KCNAB1: variants seen among roughly 807,000 people sequenced by gnomAD.
KCNAB1 encodes potassium voltage-gated channel subfamily A regulatory beta subunit 1, also known as voltage-gated potassium channel subunit beta-1.
Under a neutral mutation model 64.6 loss-of-function variants are expected in KCNAB1, and 35 were observed. The ratio of observed to expected loss-of-function variants is 0.54; its 90% CI spans 0.41 to 0.72. KCNAB1 has a LOEUF of 0.72. Ranked by LOEUF, KCNAB1 falls within the 30% of genes least tolerant of loss-of-function variation. The pLI is 0.00. For synonymous variants in KCNAB1, 177 were observed against 183.8 expected, an observed-to-expected ratio of 0.96 and a Z score of 0.30; for missense variants, 401 against 512.9, an observed-to-expected ratio of 0.78 and a Z score of 2.11.
intron 1 of KCNAB1, among the ~76,000 whole-genome samples, chr3:156,307,679 A>G (rs184271842): frequency 2.0e-4 from 30 of 152,328 alleles, no homozygotes; most frequent in Admixed American, 2.0e-3. Flanking sequence ...GAGGCTGTCA[A>G]CTGAGCACAT....
chr3:156,416,995 A>C (rs1715121726), intron 1 of KCNAB1, among the ~76,000 whole-genome samples: 1 of 152,262 alleles, frequency 6.6e-6, no homozygotes, highest in Non-Finnish European at 1.5e-5. Flanking sequence ...GTCTGTCCTC[A>C]AAATGCCTGG....
chr3:156,201,323 T>A (rs1225168285), intron 1 of KCNAB1, among the ~76,000 whole-genome samples: 2 of 152,178 alleles, frequency 1.3e-5, no homozygotes, highest in Non-Finnish European at 2.9e-5. Flanking sequence ...TAGAACAGCT[T>A]CAGATTAATA....
intron 1 of KCNAB1, chr3:156,175,869 C>A: frequency 1.4e-6 from 1 of 724,348 alleles, no homozygotes; most frequent in Non-Finnish European, 2.6e-6. Flanking sequence ...CATATCCCAA[C>A]AGTCTCTTGT....
intron 1 of KCNAB1, among the ~76,000 whole-genome samples, chr3:156,324,543 T>G (rs181480540): frequency 1.1e-4 from 16 of 152,166 alleles, no homozygotes; most frequent in Non-Finnish European, 1.5e-5. Context: ...GAGCACCTAC[T>G]TTGTGCCAAG....
At chr3:156,247,214 C>T (rs1407661637) in intron 1 of KCNAB1, among the ~76,000 whole-genome samples, 1 of 152,126 alleles carries the variant, frequency 6.6e-6, no homozygotes, top group East Asian at 1.9e-4. Context: ...AGAAAGCTAG[C>T]CTGAGCTCAT....
chr3:156,247,187 G>C (rs1415186981), intron 1 of KCNAB1, among the ~76,000 whole-genome samples: 1 of 152,190 alleles, frequency 6.6e-6, no homozygotes, highest in Non-Finnish European at 1.5e-5. Context: ...TGTCTTCCTC[G>C]TGGTTGCTTA....
intron 1 of KCNAB1, among the ~76,000 whole-genome samples, chr3:156,342,983 T>C (rs376594404): frequency 1.3e-4 from 20 of 152,306 alleles, no homozygotes; most frequent in South Asian, 1.2e-3. Flanking sequence ...TACATACATG[T>C]TAAGGAAGAA....
In KCNAB1 at chr3:156,538,196, G is replaced by GCTAT. The variant is rs528019283; in HGVS notation, c.*1452_*1455dup. The GCTAT allele has an allele frequency of 1.6e-4, 25 of 151,628 alleles. No individual in the cohort carries two copies. Among genetic ancestry groups the GCTAT allele is most frequent in the East Asian group, 5.8e-4 (3 of 5,178 alleles). 9.4% of individuals were successfully genotyped at this position (151,628 alleles called of 1,614,324 possible). ...GGGAGTGGCCCTTTAACTCTATTTG[G>GCTAT]CTATCTGAGGATGTACAAAATTCTC... On this transcript the variant is annotated 3_prime_UTR_variant, in exon 14 of 14. Transcript: ENST00000490337.
At chr3:156,369,322 A>G (rs1457425225) in intron 1 of KCNAB1, among the ~76,000 whole-genome samples, 1 of 152,236 alleles carries the variant, frequency 6.6e-6, no homozygotes, top group East Asian at 1.9e-4. Flanking sequence ...CGAATATACC[A>G]CAGTTTATCC....
At chr3:156,435,807 T>C (rs1434519985) in intron 2 of KCNAB1, among the ~76,000 whole-genome samples, 1 of 152,122 alleles carries the variant, frequency 6.6e-6, no homozygotes. Context: ...TCACCCAGGT[T>C]CTGTTGTGTG....
rs550992999 is a variant in KCNAB1, at chr3:156,395,455, G to A, written c.276-26161G>A. 5.6e-4 allele frequency among the ~76,000 whole-genome samples: 80 copies of A among 143,952 alleles called. 1 individual carries two copies. Among genetic ancestry groups the A allele is most frequent in the African/African-American group, 1.7e-3 (66 of 39,270 alleles). The allele number at this position is 143,952 out of a possible 152,430, so 94.4% of individuals were successfully genotyped here. On this transcript the variant is annotated intron_variant, in intron 1 of 13. Transcript: ENST00000490337. Reference sequence around the variant, plus strand: ...AGCTACTTGGGAGGCTGAGGCAGGAGAATGGCGTGAACCAGGGAGGCGGAG... The same window carrying A: ...AGCTACTTGGGAGGCTGAGGCAGGAAAATGGCGTGAACCAGGGAGGCGGAG...
intron 1 of KCNAB1, among the ~76,000 whole-genome samples, chr3:156,238,495 A>G (rs1302422860): frequency 2.0e-5 from 3 of 151,972 alleles, no homozygotes; most frequent in Non-Finnish European, 2.9e-5. Flanking sequence ...TTTGGACCCT[A>G]ACAAATGGCA....
chr3:156,233,256 CAAG>C (rs746773295), intron 1 of KCNAB1, among the ~76,000 whole-genome samples: 24 of 151,832 alleles, frequency 1.6e-4, no homozygotes, highest in Non-Finnish European at 3.2e-4. Context: ...TGGTAAGTGC[CAAG>C]AAGAAGAAAA....
chr3:156,180,700 G>A (rs933032377), intron 1 of KCNAB1, among the ~76,000 whole-genome samples: 1 of 152,118 alleles, frequency 6.6e-6, no homozygotes, highest in Non-Finnish European at 1.5e-5. Context: ...ATAGAGATGA[G>A]TAAAACATCA....
At chr3:156,344,774 A>G (rs963699447) in intron 1 of KCNAB1, among the ~76,000 whole-genome samples, 91 of 152,330 alleles carry the variant, frequency 6.0e-4, no homozygotes, top group Admixed American at 2.2e-3. Flanking sequence ...AGAATAGCAT[A>G]CAACTAAATG....
chr3:156,194,282 G>T (rs1713747910), intron 1 of KCNAB1, among the ~76,000 whole-genome samples: 1 of 151,686 alleles, frequency 6.6e-6, no homozygotes, highest in Admixed American at 6.6e-5. Context: ...TGATGATGAT[G>T]AATTATTTCA....
At chr3:156,531,289 ATCC>A in intron 12 of KCNAB1, 117 bp from the exon 13 acceptor site, 2 of 784,644 alleles carry the variant, frequency 2.5e-6, no homozygotes, top group Non-Finnish European at 4.6e-6. Context: ...AGCACTGTAC[ATCC>A]TCCACAAAAA....
At chr3:156,529,776 C>T (rs1718569586) in intron 12 of KCNAB1, among the ~76,000 whole-genome samples, 1 of 152,192 alleles carries the variant, frequency 6.6e-6, no homozygotes, top group South Asian at 2.1e-4. Flanking sequence ...TCCCAGGTTT[C>T]CAGATTGGGG....
chr3:156,176,844 T>C, intron 1 of KCNAB1: 2 of 1,043,428 alleles, frequency 1.9e-6, no homozygotes, highest in East Asian at 4.7e-5. Context: ...CAACAGCAAC[T>C]CATGCCGCTG....
Sources: allele counts gnomAD v4.1 joint callset (sites outside exome capture counted in the v4.1 genomes callset), GRCh38; gene constraint gnomAD v4.1.1; transcripts MANE v1.5; gene names NCBI Gene and HGNC (gene_info 2026-07-23, HGNC 2026-07-21).